Variants in CSMD1 observed in about 807,000 individuals in gnomAD.
CSMD1 encodes CUB and Sushi multiple domains 1.
Under a neutral mutation model 417.5 loss-of-function variants are expected in CSMD1, and 213 were observed. That is an observed-to-expected ratio of 0.51 (90% CI 0.46 to 0.57). The LOEUF (loss-of-function observed/expected upper bound fraction) is 0.57. CSMD1 is among the 20% of genes least tolerant of loss of function. The probability of loss-of-function intolerance (pLI) is 0.00; values close to 1 mark genes in which losing one functional copy is unlikely to be tolerated. For synonymous variants in CSMD1, 2,862 were observed against 1,736.8 expected, an observed-to-expected ratio of 1.65 and a Z score of -16.11; for missense variants, 6,923 against 4,529.7, an observed-to-expected ratio of 1.53 and a Z score of -15.17.
intron 5 of CSMD1, among the ~76,000 whole-genome samples, chr8:3,788,385 A>T (rs1452256086): frequency 6.6e-6 from 1 of 152,154 alleles, no homozygotes; most frequent in East Asian, 1.9e-4. Flanking sequence ...AGCAGCCTTC[A>T]TTGGTCACAG....
intron 3 of CSMD1, among the ~76,000 whole-genome samples, chr8:4,111,718 G>A (rs536302108): frequency 2.0e-5 from 3 of 152,264 alleles, no homozygotes; most frequent in Admixed American, 1.3e-4. Context: ...GAGCTGAACA[G>A]TAGGAACACA....
At chr8:4,308,652 C>T (rs565779008) in intron 3 of CSMD1, among the ~76,000 whole-genome samples, 1 of 152,156 alleles carries the variant, frequency 6.6e-6, no homozygotes, top group African/African-American at 2.4e-5. Context: ...ATTCCAAGAA[C>T]AGTTTATAAG....
chr8:4,311,054 G>T (rs1452102233), intron 3 of CSMD1, among the ~76,000 whole-genome samples: 1 of 152,156 alleles, frequency 6.6e-6, no homozygotes, highest in Non-Finnish European at 1.5e-5. Context: ...ACTGGTGGGA[G>T]TGTAAATTAG....
chr8:4,984,458 A>G (rs536382716), intron 1 of CSMD1, among the ~76,000 whole-genome samples: 9 of 152,204 alleles, frequency 5.9e-5, no homozygotes, highest in Non-Finnish European at 1.3e-4. Flanking sequence ...CCTGAGCATC[A>G]GTGTTTATAG....
chr8:3,177,633 G>C (rs1821023840), intron 37 of CSMD1, among the ~76,000 whole-genome samples: 2 of 152,044 alleles, frequency 1.3e-5, no homozygotes, highest in South Asian at 4.1e-4. Flanking sequence ...AAATCTGTCA[G>C]AGAATGTGGG....
At chr8:4,153,154 G>C (rs1166138376) in intron 3 of CSMD1, among the ~76,000 whole-genome samples, 1 of 152,140 alleles carries the variant, frequency 6.6e-6, no homozygotes. Context: ...CTTGACTGTG[G>C]TGACCATGCC....
At chr8:3,946,195 T>C (rs1473275574) in intron 5 of CSMD1, among the ~76,000 whole-genome samples, 1 of 152,132 alleles carries the variant, frequency 6.6e-6, no homozygotes, top group Non-Finnish European at 1.5e-5. Context: ...ATCTCAGTGG[T>C]TTAGCAACTG....
At chr8:4,366,561 CT>C (rs1005786360) in intron 3 of CSMD1, among the ~76,000 whole-genome samples, 36 of 152,042 alleles carry the variant, frequency 2.4e-4, no homozygotes, top group Non-Finnish European at 4.4e-4. Context: ...AAAAACGTTA[CT>C]TTTTTTTCTG....
chr8:3,238,571 G>A (rs1328522933), intron 26 of CSMD1, among the ~76,000 whole-genome samples: 1 of 152,102 alleles, frequency 6.6e-6, no homozygotes, highest in Admixed American at 6.5e-5. Context: ...GAGAGATGAA[G>A]CTGAAGGAAG....
intron 1 of CSMD1, among the ~76,000 whole-genome samples, chr8:4,937,386 T>C (rs1021770535): frequency 6.6e-6 from 1 of 152,210 alleles, no homozygotes; most frequent in Non-Finnish European, 1.5e-5. Context: ...GTGTATTCTT[T>C]ACTGGGAAAT....
At position 4,190,964 on chromosome 8, in the gene CSMD1, G is replaced by C. The variant is rs182930118; in HGVS notation, c.416-158865C>G. On this transcript the variant is annotated intron_variant, in intron 3 of 69. Coordinates refer to ENST00000635120, the MANE Select transcript of CSMD1 (RefSeq NM_033225.6). ...GGCTCAGTGGAGAGTGGGGGGGGCG[G>C]GGAAGGGAGAGGATCAGGACAAATG... is the stretch of plus-strand genomic sequence containing the variant. Among the ~76,000 whole-genome samples the C allele has an allele frequency of 2.3e-3, 331 of 146,276 alleles. 3 individuals are homozygous for C. The highest frequency in any genetic ancestry group is 1.4e-3 in the Non-Finnish European group (96 of 67,926).
chr8:4,044,988 C>T (rs1160654274), intron 3 of CSMD1, among the ~76,000 whole-genome samples: 1 of 152,244 alleles, frequency 6.6e-6, no homozygotes, highest in Admixed American at 6.5e-5. Flanking sequence ...GGAGTTTCTA[C>T]TTCCTGTTTT....
intron 3 of CSMD1, among the ~76,000 whole-genome samples, chr8:4,046,228 T>C (rs180901563): frequency 6.6e-6 from 1 of 152,296 alleles, no homozygotes; most frequent in Admixed American, 6.5e-5. Flanking sequence ...TTTAACAATA[T>C]AAAGGTCATG....
chr8:3,206,865 T>C (rs1797322440), intron 30 of CSMD1, among the ~76,000 whole-genome samples: 1 of 152,140 alleles, frequency 6.6e-6, no homozygotes, highest in African/African-American at 2.4e-5. Context: ...AGCCATTTGA[T>C]ATCCAGTCTT....
chr8:4,466,564 C>A (rs1451727037), intron 2 of CSMD1, among the ~76,000 whole-genome samples: 1 of 152,168 alleles, frequency 6.6e-6, no homozygotes, highest in East Asian at 1.9e-4. Context: ...AATGGGCAAA[C>A]AAATGCCAAC....
chr8:3,839,518 T>C (rs1224463046), intron 5 of CSMD1, among the ~76,000 whole-genome samples: 3 of 69,620 alleles, frequency 4.3e-5, no homozygotes, highest in Non-Finnish European at 6.4e-5. Context: ...TTATATAGAA[T>C]ATAAATATAT....
chr8:3,840,895 C>A (rs1004190580), intron 5 of CSMD1, among the ~76,000 whole-genome samples: 1 of 151,788 alleles, frequency 6.6e-6, no homozygotes, highest in African/African-American at 2.4e-5. Flanking sequence ...TTAGTAGAGA[C>A]GAGGTTTCAC....
intron 5 of CSMD1, among the ~76,000 whole-genome samples, chr8:3,832,322 C>T (rs1421375920): frequency 9.9e-5 from 15 of 152,082 alleles, no homozygotes; most frequent in Admixed American, 9.8e-4. Flanking sequence ...CAATGATGTT[C>T]CTTGTTCAAA....
At chr8:4,297,369 C>A (rs901523024) in intron 3 of CSMD1, among the ~76,000 whole-genome samples, 4 of 152,010 alleles carry the variant, frequency 2.6e-5, no homozygotes, top group African/African-American at 9.7e-5. Context: ...ATAAAAGATG[C>A]AGACGTTCAG....
Sources: gnomAD v4.1 joint callset for allele counts (sites outside exome capture counted in the v4.1 genomes callset) on GRCh38, gnomAD v4.1.1 for gene constraint, MANE v1.5 for transcripts, NCBI Gene and HGNC (gene_info 2026-07-23, HGNC 2026-07-21) for gene names.